ICE1: variants seen among roughly 807,000 people sequenced by gnomAD.
The protein encoded by ICE1 is interactor of little elongation complex ELL subunit 1, also known as little elongation complex subunit 1.
Under a neutral mutation model 192.7 loss-of-function variants are expected in ICE1, and 64 were observed. The observed-to-expected ratio is 0.33, with a 90% CI of 0.27 to 0.41. ICE1 has a LOEUF of 0.41. Among genes scored for constraint, ICE1 ranks in the 10% least tolerant of loss-of-function variants. ICE1 has a pLI of 1.00. For synonymous variants in ICE1, 1,010 were observed against 984.5 expected, an observed-to-expected ratio of 1.03 and a Z score of -0.49; for missense variants, 2,708 against 2,696.0, an observed-to-expected ratio of 1.00 and a Z score of -0.10.
At position 5,463,888 on chromosome 5, in the gene ICE1, T is replaced by G; in HGVS notation, c.4554T>G (p.Ser1518Arg). ...TGCGAAATAGACCCGTTAAGCCTAGTATATGGATTAGTTCTCAAATCTATG... is the reference window on the plus strand; with the variant it reads ...TGCGAAATAGACCCGTTAAGCCTAGGATATGGATTAGTTCTCAAATCTATG... The part of the protein sequence containing the change: ...SRLRNRPVKP[S>R]IWISSQIYDQ... Residue 1518 changes from serine to arginine, a missense_variant, in exon 13 of 19, where the codon AGT (serine) becomes AGG (arginine). Around this residue, in one of 2 missense-constraint regions of ICE1, gnomAD observed 2,366 missense variants for 2,276.6 expected, o/e 1.04. Coordinates refer to ENST00000296564, the MANE Select transcript of ICE1 (RefSeq NM_015325.3). 1 of 1,614,000 alleles carries G rather than the reference T, an allele frequency of 6.2e-7. No individual in the cohort carries two copies. The highest frequency in any genetic ancestry group is 8.5e-7 in the Non-Finnish European group (1 of 1,179,878).
chr5:5,444,173 C>G (rs1238886069), intron 6 of ICE1, 116 bp from the exon 7 acceptor site: 9 of 680,360 alleles, frequency 1.3e-5, no homozygotes, highest in Non-Finnish European at 2.3e-5. Flanking sequence ...CTAGTTCAGA[C>G]TGAACATTTG....
rs2111341037 is a variant in ICE1 at position 5,436,431 on chromosome 5, A to T, written c.98A>T (p.Tyr33Phe). 6.8e-7 allele frequency: 1 copy of T among 1,475,562 alleles called. No individual in the cohort carries two copies. Among genetic ancestry groups the T allele is most frequent in the Non-Finnish European group, 9.0e-7 (1 of 1,110,094 alleles). 91.4% of individuals were successfully genotyped at this position (1,475,562 alleles called of 1,614,324 possible). A position where few individuals can be genotyped will look rare whatever the true frequency, so the allele number is the denominator to read the frequency against. Residue 33 changes from tyrosine (Y) to phenylalanine (F), a missense_variant, in exon 2 of 19, where the codon TAT (tyrosine) becomes TTT (phenylalanine). Tyr to Phe is a conservative substitution (Grantham distance 22). Around this residue, in one of 2 missense-constraint regions of ICE1, gnomAD observed 2,366 missense variants for 2,276.6 expected, o/e 1.04. Transcript: ENST00000296564. ...TTTTTCTTTCAGAATTTGAATGAATATGTTGAAGCATTAATTACCTTGAAA... is the reference window on the plus strand; with the variant it reads ...TTTTTCTTTCAGAATTTGAATGAATTTGTTGAAGCATTAATTACCTTGAAA... ...CASLQQNLNE[Y>F]VEALITLKQK...
Position 5,464,143 on chromosome 5 carries a change from C to A in ICE1, c.4809C>A (p.Thr1603=). The A allele has an allele frequency of 6.2e-7, 1 of 1,613,548 alleles. No homozygotes were observed. The highest frequency in any genetic ancestry group is 8.5e-7 in the Non-Finnish European group (1 of 1,179,860). The change falls in exon 13 of 19, where the codon ACC becomes ACA. Residue 1603 remains threonine (T), a synonymous_variant. Transcript: ENST00000296564. The surrounding 1 kb of genome is among the most constrained non-coding windows in gnomAD (Gnocchi z 4.0). ...NTKTQRSQTQ[T]ILANADTSTP... is the part of the protein sequence containing the mutation. ...AAACTCAAAGAAGCCAAACTCAGAC[C>A]ATTTTAGCAAATGCTGATACATCCA...
At chr5:5,473,846 G>A in intron 16 of ICE1, 98 bp downstream of exon 16, 1 of 812,420 alleles carries the variant, frequency 1.2e-6, no homozygotes, top group Non-Finnish European at 1.8e-6. Context: ...GTTTAAGTGT[G>A]TAAGGCAGAT....
intron 16 of ICE1, among the ~76,000 whole-genome samples, 188 bp downstream of exon 16, chr5:5,473,936 C>T (rs2111397209): frequency 6.6e-6 from 1 of 152,232 alleles, no homozygotes; most frequent in South Asian, 2.1e-4. Flanking sequence ...CACGGCCGGG[C>T]ATGGTGGCTC....
At position 5,461,255 on chromosome 5, in the gene ICE1, G is replaced by C; in HGVS notation, c.1921G>C (p.Val641Leu). The part of the protein sequence containing the change: ...SSSSTLVALS[V>L]GSNPQSSSGL... ...CTCTTCTACCTTGGTAGCATTGTCT[G>C]TTGGCAGTAATCCCCAGTCTTCTTC... Residue 641 changes from valine to leucine, a missense_variant, in exon 13 of 19, where the codon GTT becomes CTT. Around this residue, in one of 2 missense-constraint regions of ICE1, gnomAD observed 2,366 missense variants for 2,276.6 expected, o/e 1.04. Coordinates refer to ENST00000296564, the MANE Select transcript of ICE1 (RefSeq NM_015325.3). 6.2e-7 allele frequency: 1 copy of C among 1,613,986 alleles called. No homozygotes were observed. Among genetic ancestry groups the C allele is most frequent in the Non-Finnish European group, 8.5e-7 (1 of 1,179,898 alleles).
chr5:5,473,222 GTTTATT>G (rs1444581763), intron 15 of ICE1, among the ~76,000 whole-genome samples: 2 of 152,080 alleles, frequency 1.3e-5, no homozygotes, highest in Non-Finnish European at 2.9e-5. Context: ...ATTTTTAAAG[GTTTATT>G]TTTATAATTA....
At chr5:5,443,315 G>T (rs2111350504) in intron 6 of ICE1, 71 bp downstream of exon 6, 2 of 828,216 alleles carry the variant, frequency 2.4e-6, no homozygotes, top group East Asian at 3.1e-5. Context: ...TAAGTCGGTA[G>T]TGTTTTTTTT....
At chr5:5,436,642 T>C (rs1389265952) in intron 2 of ICE1, among the ~76,000 whole-genome samples, 166 bp downstream of exon 2, 3 of 152,196 alleles carry the variant, frequency 2.0e-5, no homozygotes, top group East Asian at 1.9e-4. Context: ...GACTTGAACC[T>C]TTTGTTACAG....
chr5:5,478,775 C>G (rs1739414404), intron 17 of ICE1, among the ~76,000 whole-genome samples: 1 of 152,070 alleles, frequency 6.6e-6, no homozygotes, highest in Non-Finnish European at 1.5e-5. Context: ...AGAACAGAGA[C>G]CTCAGAAATA....
chr5:5,470,957 T>C (rs1036964078), intron 15 of ICE1, among the ~76,000 whole-genome samples: 1 of 152,182 alleles, frequency 6.6e-6, no homozygotes, highest in Non-Finnish European at 1.5e-5. Flanking sequence ...CTTAGTTGTT[T>C]AGCAGAAAAT....
rs200799311 is a variant in ICE1, at chr5:5,424,443, T to G, written c.84+1444T>G. Among the ~76,000 whole-genome samples, 21 of 152,136 alleles carry G rather than the reference T, an allele frequency of 1.4e-4. No homozygotes were observed. In the East Asian group the frequency reaches 3.9e-3, roughly 28 times the overall value. ...CTCCCGAATCTTTAATACATTGTAT[T>G]TATTATTCGAGCCAATTCACTCAAC... On this transcript the variant is annotated intron_variant, in intron 1 of 18. Transcript: ENST00000296564.
chr5:5,443,592 A>T (rs1023607797), intron 6 of ICE1, among the ~76,000 whole-genome samples: 2 of 152,090 alleles, frequency 1.3e-5, no homozygotes, highest in African/African-American at 4.8e-5. Flanking sequence ...TGCATTATGT[A>T]CTCATTCACT....
intron 18 of ICE1, among the ~76,000 whole-genome samples, chr5:5,488,288 G>A (rs1210027139): frequency 6.6e-6 from 1 of 152,194 alleles, no homozygotes; most frequent in African/African-American, 2.4e-5. Context: ...TACACATTGA[G>A]TATATTTTAT....
Position 5,461,088 on chromosome 5 carries a change from T to G in ICE1, c.1754T>G (p.Phe585Cys). Residue 585 changes from phenylalanine (F) to cysteine (C), a missense_variant, in exon 13 of 19, where the codon TTT becomes TGT. Physicochemically the swap from Phe to Cys is radical, Grantham distance 205. Transcript: ENST00000296564. ...GACCGTATCACAGTTTCTGGCCATTTTCACAGACTATCTAGAGAATTGGAA... is the reference window on the plus strand; with the variant it reads ...GACCGTATCACAGTTTCTGGCCATTGTCACAGACTATCTAGAGAATTGGAA... ...EPDRITVSGH[F>C]HRLSRELEKE... 1 of 1,614,070 alleles carries G rather than the reference T, an allele frequency of 6.2e-7. No individual in the cohort carries two copies. The highest frequency in any genetic ancestry group is 8.5e-7 in the Non-Finnish European group (1 of 1,179,904).
chr5:5,446,792 G>A (rs1361002812), intron 7 of ICE1, among the ~76,000 whole-genome samples: 3 of 152,178 alleles, frequency 2.0e-5, no homozygotes. Flanking sequence ...TGTTACTGAG[G>A]TGTTTCATGG....
At chr5:5,466,195 T>TA (rs1281877311) in intron 13 of ICE1, 139 bp from the exon 14 acceptor site, 1 of 676,080 alleles carries the variant, frequency 1.5e-6, no homozygotes, top group Non-Finnish European at 2.3e-6. Flanking sequence ...TCTTACCAGT[T>TA]ACTATGCTCT....
At chr5:5,484,228 T>C (rs1739578141) in intron 17 of ICE1, among the ~76,000 whole-genome samples, 1 of 152,242 alleles carries the variant, frequency 6.6e-6, no homozygotes, top group South Asian at 2.1e-4. Flanking sequence ...AGACTCATGA[T>C]TTCCTCTTAT....
intron 1 of ICE1, among the ~76,000 whole-genome samples, chr5:5,426,739 A>G (rs1737531820): frequency 6.6e-6 from 1 of 152,264 alleles, no homozygotes; most frequent in Admixed American, 6.5e-5. Context: ...ATCGGAAAGA[A>G]TGAGAATTAA....
Sources: gnomAD v4.1 joint callset for allele counts (sites outside exome capture counted in the v4.1 genomes callset) on GRCh38, gnomAD v4.1.1 for gene constraint, gnomAD v4.1.1 regional missense constraint, Gnocchi (gnomAD v3.1) non-coding constraint, MANE v1.5 for transcripts, NCBI Gene and HGNC (gene_info 2026-07-23, HGNC 2026-07-21) for gene names.